Variants in PRELID2 observed in about 807,000 individuals in gnomAD.
The protein encoded by PRELID2 is PRELI domain containing 2.
Under a neutral mutation model 28.4 loss-of-function variants are expected in PRELID2, and 25 were observed. The observed-to-expected ratio is 0.88, with a 90% CI of 0.64 to 1.23. The LOEUF is 1.23. Among genes scored for constraint, PRELID2 ranks in the 50% most tolerant of loss-of-function variants. The pLI is 0.00. For missense variants in PRELID2, 201 were observed against 214.4 expected (o/e 0.94, Z 0.39); for synonymous variants, 76 against 71.6 (o/e 1.06, Z -0.31).
At chr5:145,380,852 C>G in the PRELID2 span, among the ~76,000 whole-genome samples, 1 of 152,092 alleles carries the variant, frequency 6.6e-6, no homozygotes, top group Non-Finnish European at 1.5e-5. Flanking sequence ...AACAAAGGGT[C>G]TTGATAAGTG....
chr5:145,531,555 G>T (rs117045346), intron 1 of PRELID2, among the ~76,000 whole-genome samples: 5 of 152,148 alleles, frequency 3.3e-5, no homozygotes, highest in African/African-American at 1.2e-4. Context: ...AGGACTCCTC[G>T]CTCAGCTTAG....
intron 1 of PRELID2, among the ~76,000 whole-genome samples, chr5:145,598,986 C>T (rs572897308): frequency 1.3e-5 from 2 of 152,140 alleles, no homozygotes; most frequent in South Asian, 4.1e-4. Context: ...ATGGTTTTTC[C>T]TTCCTTTTTT....
intron 1 of PRELID2, among the ~76,000 whole-genome samples, chr5:145,530,631 C>T (rs982282304): frequency 3.3e-5 from 5 of 151,958 alleles, no homozygotes; most frequent in Non-Finnish European, 5.9e-5. Flanking sequence ...ACGCAGGAAC[C>T]GGTTGGCAAT....
chr5:145,388,451 T>G, the PRELID2 span, among the ~76,000 whole-genome samples: 2 of 152,120 alleles, frequency 1.3e-5, no homozygotes, highest in African/African-American at 4.8e-5. Flanking sequence ...TTTTTCCCAC[T>G]CCCATCAATT....
the PRELID2 span, among the ~76,000 whole-genome samples, chr5:145,409,096 G>C: frequency 6.6e-6 from 1 of 152,130 alleles, no homozygotes; most frequent in Non-Finnish European, 1.5e-5. Flanking sequence ...TTGTCAGCCA[G>C]GAGTTTTGTA....
intron 1 of PRELID2, among the ~76,000 whole-genome samples, chr5:145,702,323 C>G (rs1755428603): frequency 6.6e-6 from 1 of 152,106 alleles, no homozygotes; most frequent in Non-Finnish European, 1.5e-5. Context: ...CTTGTCTCAT[C>G]TGTGTCTGAA....
chr5:145,648,907 C>G (rs1289207664), intron 1 of PRELID2, among the ~76,000 whole-genome samples: 3 of 151,728 alleles, frequency 2.0e-5, no homozygotes, highest in Non-Finnish European at 4.4e-5. Flanking sequence ...AACAATGGTT[C>G]AATTTCTGAT....
At chr5:145,834,777 G>C (rs1755825641) in intron 1 of PRELID2, 1 of 171,572 alleles carries the variant, frequency 5.8e-6, no homozygotes, top group Admixed American at 6.3e-5. Context: ...AAGGAGCAGC[G>C]GATGGGGCAG....
At chr5:145,767,373 G>C (rs1757831536) in intron 5 of PRELID2, among the ~76,000 whole-genome samples, 1 of 152,046 alleles carries the variant, frequency 6.6e-6, no homozygotes, top group South Asian at 2.1e-4. Flanking sequence ...CCACTGCTCA[G>C]TAAAATCCTC....
At chr5:145,408,662 A>C in the PRELID2 span, among the ~76,000 whole-genome samples, 3 of 151,922 alleles carry the variant, frequency 2.0e-5, no homozygotes, top group Non-Finnish European at 4.4e-5. Flanking sequence ...CAATGAGAAA[A>C]AGACAAAGAA....
intron 2 of PRELID2, 97 bp from the exon 3 acceptor site, chr5:145,820,115 TG>T (rs1468034867): frequency 2.8e-4 from 160 of 580,646 alleles, no homozygotes; most frequent in Admixed American, 5.3e-4. Flanking sequence ...TTTTGTTTTT[TG>T]TTTTTTGTTT....
chr5:145,596,099 C>CAAA (rs552746530), intron 1 of PRELID2, among the ~76,000 whole-genome samples: 17 of 43,922 alleles, frequency 3.9e-4, no homozygotes, highest in African/African-American at 1.4e-3. Context: ...GAGCCTGTCT[C>CAAA]AAAAAAAAAA....
chr5:145,672,070 A>C (rs1754717701), intron 1 of PRELID2, among the ~76,000 whole-genome samples: 1 of 152,064 alleles, frequency 6.6e-6, no homozygotes, highest in Admixed American at 6.6e-5. Flanking sequence ...TTTCTTCTCC[A>C]CTTCCTTTAC....
the PRELID2 span, among the ~76,000 whole-genome samples, chr5:145,434,513 C>T: frequency 1.3e-5 from 2 of 152,160 alleles, no homozygotes; most frequent in Non-Finnish European, 2.9e-5. Flanking sequence ...TTGCCAGGCT[C>T]ATATTGAAAC....
chr5:145,658,499 A>T (rs1432746663), intron 1 of PRELID2, among the ~76,000 whole-genome samples: 3 of 152,186 alleles, frequency 2.0e-5, no homozygotes, highest in Non-Finnish European at 4.4e-5. Context: ...CAGATCTCTC[A>T]TGAATGACTT....
At chr5:145,688,266 T>C (rs770861565) in intron 1 of PRELID2, among the ~76,000 whole-genome samples, 1 of 152,200 alleles carries the variant, frequency 6.6e-6, no homozygotes, top group Non-Finnish European at 1.5e-5. Context: ...CAGTCTGACT[T>C]TGGCAATTTT....
chr5:145,796,678 C>A, intron 4 of PRELID2, 131 bp from the exon 5 acceptor site: 3 of 443,516 alleles, frequency 6.8e-6, no homozygotes, highest in East Asian at 3.6e-5. Context: ...TCAATAACTA[C>A]CTATTATAAG....
At chr5:145,458,087 C>G in the PRELID2 span, among the ~76,000 whole-genome samples, 3 of 152,170 alleles carry the variant, frequency 2.0e-5, no homozygotes, top group Non-Finnish European at 4.4e-5. Flanking sequence ...TATCACTCTA[C>G]TAACACCACC....
the PRELID2 span, among the ~76,000 whole-genome samples, chr5:145,412,172 G>A: frequency 5.3e-5 from 8 of 152,236 alleles, no homozygotes; most frequent in African/African-American, 9.6e-5. Context: ...CATTACGTCC[G>A]CAACTTTCTG....
Sources: allele counts gnomAD v4.1 joint callset (sites outside exome capture counted in the v4.1 genomes callset), GRCh38; gene constraint gnomAD v4.1.1; transcripts MANE v1.5; gene names NCBI Gene and HGNC (gene_info 2026-07-23, HGNC 2026-07-21).